The following PKD2L2 variants were observed in gnomAD, a reference collection of about 807,000 sequenced individuals.
PKD2L2 encodes polycystin 2 like 2, transient receptor potential cation channel.
PKD2L2 carries 67 observed loss-of-function variants against 83.9 expected under a neutral mutation model. The observed-to-expected ratio is 0.80, with a 90% confidence interval of 0.66 to 0.98. The LOEUF (loss-of-function observed/expected upper bound fraction) is 0.98. PKD2L2 is among the 50% of genes least tolerant of loss of function. The pLI is 0.00. For synonymous variants in PKD2L2, 223 were observed against 237.8 expected (o/e 0.94, Z 0.57); for missense variants, 632 against 717.2 (o/e 0.88, Z 1.36).
intron 9 of PKD2L2, among the ~76,000 whole-genome samples, chr5:137,922,353 C>T (rs1423498015): frequency 6.6e-6 from 1 of 152,184 alleles, no homozygotes; most frequent in Non-Finnish European, 1.5e-5. Flanking sequence ...ATCCTTTCTA[C>T]ATTTGTGTTA....
intron 14 of PKD2L2, chr5:137,939,823 G>A: frequency 1.6e-6 from 2 of 1,257,694 alleles, no homozygotes; most frequent in Non-Finnish European, 2.0e-6. Context: ...GGCAACAGAA[G>A]AATTCAGTAT....
chr5:137,935,115 A>G (rs906008019), intron 12 of PKD2L2, among the ~76,000 whole-genome samples: 7 of 152,232 alleles, frequency 4.6e-5, no homozygotes, highest in African/African-American at 1.4e-4. Context: ...GTTTTGAATC[A>G]CATCTGGGTG....
chr5:137,908,959 T>A lies in PKD2L2; in HGVS notation c.1328+13T>A. 6.6e-7 allele frequency: 1 copy of A among 1,515,596 alleles called. No individual in the cohort carries two copies. Among genetic ancestry groups the A allele is most frequent in the South Asian group, 1.2e-5 (1 of 83,216 alleles). 93.9% of individuals were successfully genotyped at this position (1,515,596 alleles called of 1,614,324 possible). On this transcript the variant is annotated intron_variant, in intron 8 of 14. Coordinates refer to ENST00000508883, the MANE Select transcript of PKD2L2 (RefSeq NM_001300921.2). ...TTCAGAATTCCATGTAAGCTCTTAG[T>A]ATAAATGTAATTATATCTTCTATAT...
At chr5:137,942,145 T>C (rs1343826406) in intron 14 of PKD2L2, 35 of 935,696 alleles carry the variant, frequency 3.7e-5, no homozygotes, top group Non-Finnish European at 5.6e-5. Flanking sequence ...GCTGGGGAAC[T>C]GTTAGGTCTA....
At chr5:137,939,776 C>T (rs1761109270) in intron 14 of PKD2L2, 19 of 1,026,058 alleles carry the variant, frequency 1.9e-5, no homozygotes, top group East Asian at 5.1e-5. Context: ...CTTTTATAGG[C>T]TTTTCTTTCA....
At chr5:137,920,427 T>C (rs1303502544) in intron 8 of PKD2L2, among the ~76,000 whole-genome samples, 1 of 152,136 alleles carries the variant, frequency 6.6e-6, no homozygotes, top group Non-Finnish European at 1.5e-5. Flanking sequence ...GTTTGAAATA[T>C]TTTAAGTGGT....
intron 5 of PKD2L2, among the ~76,000 whole-genome samples, chr5:137,902,111 C>T (rs934894352): frequency 1.6e-4 from 25 of 151,836 alleles, no homozygotes; most frequent in Middle Eastern, 6.8e-3. Flanking sequence ...TGCCAGATAA[C>T]GAGAAGGAAA....
At chr5:137,923,740 AG>A (rs577410108) in intron 10 of PKD2L2, among the ~76,000 whole-genome samples, 69 of 152,344 alleles carry the variant, frequency 4.5e-4, no homozygotes, top group Non-Finnish European at 9.0e-4. Context: ...TCAAAAATGT[AG>A]CCAAAATTAT....
At chr5:137,915,016 T>G (rs1758197884) in intron 8 of PKD2L2, among the ~76,000 whole-genome samples, 1 of 152,218 alleles carries the variant, frequency 6.6e-6, no homozygotes, top group Non-Finnish European at 1.5e-5. Context: ...CTGTTCAATT[T>G]GACTTGCTAG....
intron 12 of PKD2L2, among the ~76,000 whole-genome samples, chr5:137,926,640 A>C (rs1759399481): frequency 6.6e-6 from 1 of 152,204 alleles, no homozygotes; most frequent in Non-Finnish European, 1.5e-5. Flanking sequence ...AGCAATGAGC[A>C]CTAGTACCCA....
At chr5:137,895,877 CAAA>C (rs375612119) in intron 4 of PKD2L2, among the ~76,000 whole-genome samples, 1,422 of 90,100 alleles carry the variant, frequency 0.016, 17 homozygotes, top group African/African-American at 0.053. Context: ...GACACAGTCT[CAAA>C]AAAAAAAAAA....
In PKD2L2 at chr5:137,890,595, A is replaced by G; in HGVS notation, c.133+13A>G. The G allele has an allele frequency of 3.8e-6, 4 of 1,059,686 alleles. No individual in the cohort carries two copies. The highest frequency in any genetic ancestry group is 5.5e-6 in the Non-Finnish European group (4 of 721,216). The allele number at this position is 1,059,686 out of a possible 1,614,324, so 65.6% of individuals were successfully genotyped here. A position where few individuals can be genotyped will look rare whatever the true frequency, so the allele number is the denominator to read the frequency against. On this transcript the variant is annotated intron_variant, in intron 2 of 14. Coordinates refer to ENST00000508883, the MANE Select transcript of PKD2L2 (RefSeq NM_001300921.2). ...AACCTATGTATATGTAAGTACACAG[A>G]TATAAAGATGCTGTTTGTTTGAACT...
intron 12 of PKD2L2, among the ~76,000 whole-genome samples, chr5:137,935,235 G>A (rs1760226250): frequency 1.3e-5 from 2 of 152,168 alleles, no homozygotes. Flanking sequence ...AGGAAAGCAG[G>A]TGGTAGTGAG....
At chr5:137,927,542 A>G (rs1759477662) in intron 12 of PKD2L2, among the ~76,000 whole-genome samples, 2 of 152,226 alleles carry the variant, frequency 1.3e-5, no homozygotes, top group African/African-American at 4.8e-5. Context: ...AACTTGAAAG[A>G]GAAACAGAGG....
At chr5:137,892,838 TGGCTC>T (rs1756109233) in intron 3 of PKD2L2, among the ~76,000 whole-genome samples, 1 of 152,240 alleles carries the variant, frequency 6.6e-6, no homozygotes, top group Non-Finnish European at 1.5e-5. Flanking sequence ...CCAGGCACGG[TGGCTC>T]ATGCCTGTAA....
At chr5:137,920,480 C>T (rs182980148) in intron 8 of PKD2L2, among the ~76,000 whole-genome samples, 88 of 151,796 alleles carry the variant, frequency 5.8e-4, no homozygotes, top group Non-Finnish European at 9.3e-4. Context: ...AAAATAGGGC[C>T]GGGCACAGTG....
intron 5 of PKD2L2, 69 bp downstream of exon 5, chr5:137,899,806 T>C: frequency 2.5e-6 from 2 of 786,024 alleles, no homozygotes; most frequent in Non-Finnish European, 4.2e-6. Context: ...ATTAGTACAG[T>C]TGACCCTTGA....
At chr5:137,917,876 T>C (rs891895519) in intron 8 of PKD2L2, among the ~76,000 whole-genome samples, 1 of 152,160 alleles carries the variant, frequency 6.6e-6, no homozygotes, top group Non-Finnish European at 1.5e-5. Flanking sequence ...TCAAACTTTG[T>C]ATGTCTTGTG....
At chr5:137,889,624 C>G in intron 1 of PKD2L2, 102 bp downstream of exon 1, 1 of 985,976 alleles carries the variant, frequency 1.0e-6, no homozygotes, top group Non-Finnish European at 1.4e-6. Context: ...AGAGATGTGA[C>G]TGCCGACACC....
Sources: allele counts gnomAD v4.1 joint callset (sites outside exome capture counted in the v4.1 genomes callset), GRCh38; gene constraint gnomAD v4.1.1; transcripts MANE v1.5; gene names NCBI Gene and HGNC (gene_info 2026-07-23, HGNC 2026-07-21).